The following FANCI variants were observed in gnomAD, a reference collection of about 807,000 sequenced individuals.
FANCI encodes FA complementation group I, also known as Fanconi anemia group I protein.
In FANCI, 156 loss-of-function variants were observed where a neutral mutation model predicts 176.1. The observed-to-expected ratio is 0.89, with a 90% CI of 0.78 to 1.01. FANCI has a LOEUF of 1.01. Ranked by LOEUF, FANCI falls within the 50% of genes least tolerant of loss-of-function variation. The pLI is 0.00. For missense variants in FANCI, 1,678 were observed against 1,534.1 expected (o/e 1.09, Z -1.57); for synonymous variants, 613 against 541.7 (o/e 1.13, Z -1.83).
chr15:89,305,989 A>G lies in FANCI; in HGVS notation c.3350-18A>G, dbSNP rs2054703022. The G allele has an allele frequency of 6.2e-7, 1 of 1,613,898 alleles. No individual in the cohort carries two copies. The highest frequency in any genetic ancestry group is 2.2e-5 in the East Asian group (1 of 44,900). Reference sequence around the variant, plus strand: ...AAACGAAGTTGGGTTTGAATGTGCCAATTTTATTTCCCTTTAGAAGAGGCC... The same window carrying G: ...AAACGAAGTTGGGTTTGAATGTGCCGATTTTATTTCCCTTTAGAAGAGGCC... On this transcript the variant is annotated intron_variant, in intron 31 of 37. Transcript: ENST00000310775.
chr15:89,296,062 G>A (rs1348505610), intron 24 of FANCI, among the ~76,000 whole-genome samples: 1 of 152,040 alleles, frequency 6.6e-6, no homozygotes. Flanking sequence ...CGGCCTCCCC[G>A]GTTCAAGTGA....
chr15:89,297,489 G>A (rs1044868493), intron 24 of FANCI, among the ~76,000 whole-genome samples: 5 of 151,968 alleles, frequency 3.3e-5, no homozygotes, highest in Non-Finnish European at 7.4e-5. Flanking sequence ...CTGAGTGAAC[G>A]AGACTCCGTC....
At chr15:89,260,608 T>A in intron 3 of FANCI, 105 bp from the exon 4 acceptor site, 1 of 1,450,790 alleles carries the variant, frequency 6.9e-7, no homozygotes, top group Non-Finnish European at 9.6e-7. Flanking sequence ...ATCAGTCGTT[T>A]GATAATTCTG....
rs766699057 is a variant in FANCI, at chr15:89,303,848, A to G, written c.3007-16A>G. ...TCTGGCATGTTTCTTTAATATCTGAATGATCTCTAATTTAGTTTGTGCAGA... is the reference window on the plus strand; with the variant it reads ...TCTGGCATGTTTCTTTAATATCTGAGTGATCTCTAATTTAGTTTGTGCAGA... On this transcript the variant is annotated splice_polypyrimidine_tract_variant and intron_variant, in intron 27 of 37. Coordinates refer to ENST00000310775, the MANE Select transcript of FANCI (RefSeq NM_001113378.2). 6.2e-7 allele frequency: 1 copy of G among 1,611,496 alleles called. No individual in the cohort carries two copies. The highest frequency in any genetic ancestry group is 1.1e-5 in the South Asian group (1 of 91,022).
chr15:89,272,777 C>A (rs568355930), intron 10 of FANCI, among the ~76,000 whole-genome samples: 10 of 152,200 alleles, frequency 6.6e-5, no homozygotes, highest in African/African-American at 2.4e-4. Context: ...TCAAGTGATT[C>A]TCCTGCCTCA....
At chr15:89,284,724 G>A (rs1326363337) in intron 17 of FANCI, among the ~76,000 whole-genome samples, 2 of 152,162 alleles carry the variant, frequency 1.3e-5, no homozygotes, top group Non-Finnish European at 2.9e-5. Flanking sequence ...TCTAGAATTT[G>A]TGGAATAGTG....
At chr15:89,253,489 T>A (rs1252526883) in intron 2 of FANCI, among the ~76,000 whole-genome samples, 1 of 151,632 alleles carries the variant, frequency 6.6e-6, no homozygotes, top group Non-Finnish European at 1.5e-5. Context: ...CTTCAACGGG[T>A]GAAAGTGAGA....
chr15:89,296,853 A>G (rs1415806222), intron 24 of FANCI, among the ~76,000 whole-genome samples: 1 of 134,436 alleles, frequency 7.4e-6, no homozygotes, highest in African/African-American at 2.8e-5. Context: ...GGCCGGGCAG[A>G]GGGGCTCCTC....
At chr15:89,293,158 C>G in intron 22 of FANCI, 95 bp downstream of exon 22, 1 of 1,338,850 alleles carries the variant, frequency 7.5e-7, no homozygotes, top group East Asian at 2.3e-5. Context: ...GTAAACAGAC[C>G]ACAGACGATG....
At chr15:89,303,766 T>G in intron 27 of FANCI, 98 bp from the exon 28 acceptor site, 1 of 1,016,074 alleles carries the variant, frequency 9.8e-7, no homozygotes, top group Non-Finnish European at 1.5e-6. Context: ...GGCAGCTGAT[T>G]TGCTTAGATA....
chr15:89,309,353 T>C (rs773219374), intron 34 of FANCI, among the ~76,000 whole-genome samples: 63 of 152,008 alleles, frequency 4.1e-4, no homozygotes, highest in Non-Finnish European at 1.9e-4. Context: ...TCACAAAATA[T>C]GCTATATAGA....
intron 25 of FANCI, 105 bp downstream of exon 25, chr15:89,300,071 A>T (rs2054471098): frequency 6.7e-6 from 9 of 1,338,678 alleles, no homozygotes; most frequent in Non-Finnish European, 9.6e-6. Context: ...GAACAGTCCT[A>T]ATGTTGCTAA....
In FANCI at chr15:89,306,015, T is replaced by A. The variant is rs922772413; in HGVS notation, c.3358T>A (p.Ser1120Thr). The change falls in exon 32 of 38, where the codon TCT becomes ACT. Residue 1120 changes from serine to threonine, a missense_variant. Coordinates refer to ENST00000310775, the MANE Select transcript of FANCI (RefSeq NM_001113378.2). ...VSQETLSEEA[S>T]SQATLPNQPV... ...ATTTTATTTCCCTTTAGAAGAGGCCTCTTCTCAGGCAACCCTACCAAATCA... is the reference window on the plus strand; with the variant it reads ...ATTTTATTTCCCTTTAGAAGAGGCCACTTCTCAGGCAACCCTACCAAATCA... 4 of 1,614,096 alleles carry A rather than the reference T, an allele frequency of 2.5e-6. No homozygotes were observed. The highest frequency in any genetic ancestry group is 2.5e-6 in the Non-Finnish European group (3 of 1,180,042).
chr15:89,308,618 GTGTAT>G (rs1229041543), intron 34 of FANCI, among the ~76,000 whole-genome samples: 2 of 152,156 alleles, frequency 1.3e-5, no homozygotes, highest in African/African-American at 2.4e-5. Flanking sequence ...GCCTCATTAT[GTGTAT>G]TCAGGGTGCC....
intron 2 of FANCI, among the ~76,000 whole-genome samples, chr15:89,258,302 C>T (rs1178942826): frequency 6.6e-6 from 1 of 152,142 alleles, no homozygotes; most frequent in African/African-American, 2.4e-5. Flanking sequence ...TCTATCTCAG[C>T]CTCTTATTTG....
intron 12 of FANCI, 65 bp from the exon 13 acceptor site, chr15:89,276,646 T>C (rs932368042): frequency 1.3e-6 from 2 of 1,562,624 alleles, no homozygotes; most frequent in Admixed American, 1.7e-5. Context: ...AACAGGGCAA[T>C]GAGTATAAAG....
At chr15:89,277,005 C>G in intron 13 of FANCI, 114 bp downstream of exon 13, 1 of 1,023,774 alleles carries the variant, frequency 9.8e-7, no homozygotes, top group Non-Finnish European at 1.5e-6. Flanking sequence ...ATTAGTTTGA[C>G]AGAGGATATA....
intron 37 of FANCI, among the ~76,000 whole-genome samples, chr15:89,315,676 G>T (rs1362228509): frequency 6.7e-6 from 1 of 150,260 alleles, no homozygotes; most frequent in Non-Finnish European, 1.5e-5. Flanking sequence ...ACTACTGGAT[G>T]ATGACCAGCT....
In FANCI at chr15:89,260,661, A is replaced by G. The variant is rs2052675628; in HGVS notation, c.158-52A>G. Reference sequence around the variant, plus strand: ...ACAAACCTGTTCGTTTTTCCTATTTACCTGTCAATGTTGTAAGACTTGTTT... The same window carrying G: ...ACAAACCTGTTCGTTTTTCCTATTTGCCTGTCAATGTTGTAAGACTTGTTT... On this transcript the variant is annotated intron_variant, in intron 3 of 37. Transcript: ENST00000310775. 6.2e-6 allele frequency: 10 copies of G among 1,606,446 alleles called. No individual in the cohort carries two copies. The South Asian group carries it at 1.1e-4, about 18-fold the overall frequency.
Sources: allele counts gnomAD v4.1 joint callset (sites outside exome capture counted in the v4.1 genomes callset), GRCh38; gene constraint gnomAD v4.1.1; transcripts MANE v1.5; gene names NCBI Gene and HGNC (gene_info 2026-07-23, HGNC 2026-07-21).